Variants in INPP5D observed in about 807,000 individuals in gnomAD.
The protein encoded by INPP5D is phosphatidylinositol 3,4,5-trisphosphate 5-phosphatase 1.
INPP5D carries 33 observed loss-of-function variants against 122.9 expected under a neutral mutation model. The ratio of observed to expected loss-of-function variants is 0.27; its 90% confidence interval spans 0.20 to 0.36. The LOEUF (loss-of-function observed/expected upper bound fraction) is 0.36. Among genes scored for constraint, INPP5D ranks in the 10% least tolerant of loss-of-function variants. The probability of loss-of-function intolerance (pLI) is 1.00; values close to 1 mark genes in which losing one functional copy is unlikely to be tolerated. For missense variants in INPP5D, 1,053 were observed against 1,412.7 expected, an observed-to-expected ratio of 0.75 and a Z score of 4.08; for synonymous variants, 584 against 576.2, an observed-to-expected ratio of 1.01 and a Z score of -0.19.
At chr2:233,158,855 G>A (rs1309169511) in intron 10 of INPP5D, among the ~76,000 whole-genome samples, 3 of 152,022 alleles carry the variant, frequency 2.0e-5, no homozygotes, top group Admixed American at 1.3e-4. Context: ...CACAGCTCAC[G>A]GCAGCCTCCA....
intron 2 of INPP5D, among the ~76,000 whole-genome samples, chr2:233,112,901 A>G (rs1231472113): frequency 6.6e-6 from 1 of 151,730 alleles, no homozygotes; most frequent in African/African-American, 2.4e-5. Context: ...CAGGTGATCC[A>G]CTCACCTCGG....
chr2:233,151,902 G>T (rs137933594), intron 9 of INPP5D, among the ~76,000 whole-genome samples: 1 of 152,130 alleles, frequency 6.6e-6, no homozygotes, highest in Non-Finnish European at 1.5e-5. Context: ...AGAGAATGAA[G>T]GCAAGAATGA....
chr2:233,102,671 A>G (rs1488106208), intron 2 of INPP5D, among the ~76,000 whole-genome samples: 1 of 151,784 alleles, frequency 6.6e-6, no homozygotes, highest in Non-Finnish European at 1.5e-5. Context: ...ACACAGTGAA[A>G]CCCCGTCTCT....
chr2:233,100,074 G>A lies in INPP5D; in HGVS notation c.198+20676G>A, dbSNP rs568590153. ...TCCCACCGGGTTCCTCCCACGACACGTGGGAATTGTGGGAGTTACAATTCA... is the reference window on the plus strand; with the variant it reads ...TCCCACCGGGTTCCTCCCACGACACATGGGAATTGTGGGAGTTACAATTCA... On this transcript the variant is annotated intron_variant, in intron 2 of 26. Transcript: ENST00000445964. This position sits in a 1 kb window ranked among gnomAD's most constrained non-coding sequence, Gnocchi z 5.3. Among the ~76,000 whole-genome samples the A allele has an allele frequency of 2.6e-5, 4 of 152,336 alleles. No individual in the cohort carries two copies. Among genetic ancestry groups the A allele is most frequent in the East Asian group, 3.9e-4 (2 of 5,192 alleles).
At chr2:233,138,780 C>A (rs1220351379) in intron 5 of INPP5D, among the ~76,000 whole-genome samples, 2 of 152,076 alleles carry the variant, frequency 1.3e-5, no homozygotes, top group African/African-American at 4.8e-5. Flanking sequence ...GAGTCTCGCT[C>A]TGTCGCCCAG....
At chr2:233,130,299 G>C (rs935986255) in intron 4 of INPP5D, among the ~76,000 whole-genome samples, 1 of 151,972 alleles carries the variant, frequency 6.6e-6, no homozygotes. Flanking sequence ...TTTCCTGCTG[G>C]GCCACTTCTT....
chr2:233,173,697 C>T (rs865958213), intron 17 of INPP5D, among the ~76,000 whole-genome samples: 123 of 151,988 alleles, frequency 8.1e-4, no homozygotes, highest in African/African-American at 2.5e-3. Context: ...TTTGGGAGAC[C>T]GAGGTGGGTG....
intron 2 of INPP5D, among the ~76,000 whole-genome samples, chr2:233,107,338 C>T (rs1246898768): frequency 6.6e-6 from 1 of 152,134 alleles, no homozygotes; most frequent in Non-Finnish European, 1.5e-5. Context: ...GTACTCCAGG[C>T]CCCCATTGGC....
chr2:233,134,687 T>C (rs1693419432), intron 5 of INPP5D, among the ~76,000 whole-genome samples: 2 of 152,200 alleles, frequency 1.3e-5, no homozygotes, highest in South Asian at 4.1e-4. Flanking sequence ...TGGAAATATT[T>C]GGTAACTCCT....
intron 4 of INPP5D, among the ~76,000 whole-genome samples, chr2:233,126,445 A>G (rs1693160973): frequency 2.0e-5 from 3 of 152,108 alleles, no homozygotes; most frequent in Admixed American, 2.0e-4. Flanking sequence ...GGTTGCTATG[A>G]TACTTGGCGT....
rs1326816840 is a variant in INPP5D, at chr2:233,177,943, A to C, written c.2071+597A>C. ...AACATATTAAGTGTGAACCATATGA[A>C]AGTGTTTTTGTAGGTCAGAAATAGT... is the stretch of plus-strand genomic sequence containing the variant. On this transcript the variant is annotated intron_variant, in intron 18 of 26. Transcript: ENST00000445964. This position sits in a 1 kb window ranked among gnomAD's most constrained non-coding sequence, Gnocchi z 4.2. Among the ~76,000 whole-genome samples the C allele has an allele frequency of 2.0e-5, 3 of 152,146 alleles. No homozygotes were observed. Among genetic ancestry groups the C allele is most frequent in the Non-Finnish European group, 4.4e-5 (3 of 68,028 alleles).
At chr2:233,152,082 A>C (rs1200275612) in intron 9 of INPP5D, among the ~76,000 whole-genome samples, 1 of 152,174 alleles carries the variant, frequency 6.6e-6, no homozygotes, top group Admixed American at 6.5e-5. Flanking sequence ...TGACTTGCTA[A>C]TAGTATGATC....
intron 2 of INPP5D, among the ~76,000 whole-genome samples, chr2:233,098,537 T>C (rs1273976866): frequency 6.6e-6 from 1 of 152,146 alleles, no homozygotes; most frequent in East Asian, 1.9e-4. Context: ...CGGCCTCCTA[T>C]AAAATCCACT....
rs1213739955 is a variant in INPP5D, at chr2:233,100,746, C to T, written c.198+21348C>T. ...TTCCTTTGCAGGTGTGACCTGTCTGCTCCTGTTAGAGCCTCCTTTCCCCAG... is the reference window on the plus strand; with the variant it reads ...TTCCTTTGCAGGTGTGACCTGTCTGTTCCTGTTAGAGCCTCCTTTCCCCAG... On this transcript the variant is annotated intron_variant, in intron 2 of 26. Transcript: ENST00000445964. The surrounding 1 kb of genome is among the most constrained non-coding windows in gnomAD (Gnocchi z 5.3). Among the ~76,000 whole-genome samples the T allele has an allele frequency of 6.6e-6, 1 of 152,228 alleles. No homozygotes were observed. The highest frequency in any genetic ancestry group is 2.4e-5 in the African/African-American group (1 of 41,454).
intron 2 of INPP5D, among the ~76,000 whole-genome samples, chr2:233,086,145 C>CTTTCTTTCTTTCT: frequency 7.1e-6 from 1 of 141,780 alleles, no homozygotes; most frequent in East Asian, 2.1e-4. Flanking sequence ...TTCTTTCTTT[C>CTTTCTTTCTTTCT]TTTCTTTCTT....
intron 17 of INPP5D, among the ~76,000 whole-genome samples, chr2:233,173,400 T>C (rs949553020): frequency 6.6e-6 from 1 of 152,158 alleles, no homozygotes; most frequent in Admixed American, 6.5e-5. Context: ...ACATTTATTT[T>C]TTAAATTTTC....
At chr2:233,187,191 G>A (rs1410320567) in intron 21 of INPP5D, among the ~76,000 whole-genome samples, 1 of 151,858 alleles carries the variant, frequency 6.6e-6, no homozygotes, top group Non-Finnish European at 1.5e-5. Context: ...CTCTTTTTTT[G>A]TTCATTTGTT....
At chr2:233,092,358 G>A (rs1692014980) in intron 2 of INPP5D, among the ~76,000 whole-genome samples, 1 of 152,236 alleles carries the variant, frequency 6.6e-6, no homozygotes, top group Admixed American at 6.5e-5. Flanking sequence ...GGAAAGAAGA[G>A]CGTCTCAGGG....
rs182666800 is a variant in INPP5D, at chr2:233,185,838, A to G, written c.2276-5A>G. The G allele has an allele frequency of 4.4e-6, 7 of 1,599,092 alleles. No homozygotes were observed. The African/African-American group carries it at 9.4e-5, about 21-fold the overall frequency. ...CTGAAAACCAGCCTTTTTGTCCTCC[A>G]ACAGGTTTTGTCAAGAGTCAGGAAG... On this transcript the variant is annotated splice_region_variant and splice_polypyrimidine_tract_variant and intron_variant, in intron 20 of 26. Transcript: ENST00000445964.
Sources: allele counts gnomAD v4.1 joint callset (sites outside exome capture counted in the v4.1 genomes callset), GRCh38; gene constraint gnomAD v4.1.1; non-coding constraint Gnocchi (gnomAD v3.1); transcripts MANE v1.5; gene names NCBI Gene and HGNC (gene_info 2026-07-23, HGNC 2026-07-21).